SHOC2: variants seen among roughly 807,000 people sequenced by gnomAD.
The protein encoded by SHOC2 is leucine-rich repeat protein SHOC-2.
SHOC2 carries 4 observed loss-of-function variants against 50.2 expected under a neutral mutation model. That is an observed-to-expected ratio of 0.08 (90% CI 0.04 to 0.18). The LOEUF is 0.18. Ranked by LOEUF, SHOC2 falls within the 10% of genes least tolerant of loss-of-function variation. The probability of loss-of-function intolerance (pLI) is 1.00; values close to 1 mark genes in which losing one functional copy is unlikely to be tolerated. For missense variants in SHOC2, 388 were observed against 669.6 expected, an observed-to-expected ratio of 0.58 and a Z score of 4.64; for synonymous variants, 218 against 244.5, an observed-to-expected ratio of 0.89 and a Z score of 1.01.
intron 1 of SHOC2, 87 bp downstream of exon 1, chr10:110,919,744 T>G: frequency 5.1e-6 from 2 of 395,724 alleles, no homozygotes; most frequent in Non-Finnish European, 4.5e-6. Context: ...GGGCTGGCTG[T>G]CGGTAGGGGG....
intron 2 of SHOC2, among the ~76,000 whole-genome samples, chr10:110,983,800 T>G (rs1258457888): frequency 1.3e-5 from 2 of 152,216 alleles, no homozygotes; most frequent in East Asian, 3.8e-4. Flanking sequence ...TTATTTCACT[T>G]GGTTTATAAT....
chr10:110,971,455 CT>C (rs1178939335), intron 2 of SHOC2, among the ~76,000 whole-genome samples: 1 of 152,064 alleles, frequency 6.6e-6, no homozygotes, highest in Non-Finnish European at 1.5e-5. Flanking sequence ...GTTACTCTAA[CT>C]TTGTGTATAC....
chr10:110,939,331 C>T (rs1847092209), intron 1 of SHOC2, among the ~76,000 whole-genome samples: 1 of 152,122 alleles, frequency 6.6e-6, no homozygotes, highest in African/African-American at 2.4e-5. Flanking sequence ...CATCCTCTCA[C>T]CTTAGCCTCC....
chr10:110,937,396 A>C (rs1356675406), intron 1 of SHOC2, among the ~76,000 whole-genome samples: 2 of 152,186 alleles, frequency 1.3e-5, no homozygotes, highest in African/African-American at 4.8e-5. Context: ...AACTGAACTA[A>C]TAGTTTTAAG....
intron 1 of SHOC2, among the ~76,000 whole-genome samples, chr10:110,940,112 G>A (rs561958591): frequency 7.4e-4 from 113 of 152,236 alleles, no homozygotes; most frequent in African/African-American, 2.7e-3. Flanking sequence ...AAAGTTATTA[G>A]TGCCATCTGT....
chr10:110,919,462 C>T (rs1846552856), upstream of SHOC2: 4 of 393,086 alleles, frequency 1.0e-5, no homozygotes, highest in Admixed American at 4.5e-5. Context: ...TTTTTCTTGC[C>T]TAGCGAGTGA....
chr10:110,982,791 G>A (rs1056442739), intron 2 of SHOC2, among the ~76,000 whole-genome samples: 4 of 152,010 alleles, frequency 2.6e-5, no homozygotes, highest in Non-Finnish European at 5.9e-5. Context: ...GAGAGACATT[G>A]ATTTATAGTT....
chr10:111,011,413 G>T (rs949168287), intron 8 of SHOC2, among the ~76,000 whole-genome samples, 197 bp from the exon 9 acceptor site: 3 of 152,072 alleles, frequency 2.0e-5, no homozygotes, highest in Admixed American at 1.3e-4. Flanking sequence ...ACATATAGGA[G>T]TTTAAAAAGT....
At position 110,945,913 on chromosome 10, in the gene SHOC2, T is replaced by TG. The variant is rs559087535; in HGVS notation, c.-234-18211dup. 1.5e-4 allele frequency among the ~76,000 whole-genome samples: 23 copies of TG among 152,310 alleles called. No individual in the cohort carries two copies. In the East Asian group the frequency reaches 4.4e-3, roughly 29 times the overall value. On this transcript the variant is annotated intron_variant, in intron 1 of 8. Transcript: ENST00000369452. ...CCAATCAGGTTCTGATTCTCTGTGT[T>TG]GAGCTATCTTCCTATGAGCATACCC...
chr10:110,946,608 G>T (rs1228379466), intron 1 of SHOC2, among the ~76,000 whole-genome samples: 1 of 152,076 alleles, frequency 6.6e-6, no homozygotes, highest in Non-Finnish European at 1.5e-5. Context: ...AAACAATGTG[G>T]ATATTTGAGA....
At position 110,934,367 on chromosome 10, in the gene SHOC2, A is replaced by G. The variant is rs183708259; in HGVS notation, c.-235+14710A>G. Among the ~76,000 whole-genome samples, 30 of 152,330 alleles carry G rather than the reference A, an allele frequency of 2.0e-4. No homozygotes were observed. In the East Asian group the frequency reaches 5.4e-3, roughly 27 times the overall value. Reference sequence around the variant, plus strand: ...GGAATGATTAAATTATGATATAGCCATATCACAAATCATAGGCAATGAAAA... The same window carrying G: ...GGAATGATTAAATTATGATATAGCCGTATCACAAATCATAGGCAATGAAAA... On this transcript the variant is annotated intron_variant, in intron 1 of 8. Transcript: ENST00000369452.
chr10:110,987,913 A>C (rs761370567), intron 3 of SHOC2, among the ~76,000 whole-genome samples: 11 of 152,152 alleles, frequency 7.2e-5, no homozygotes, highest in Middle Eastern at 3.2e-3. Flanking sequence ...GGATAAATTA[A>C]AAGTCCCCTA....
At chr10:110,932,929 C>T (rs952510715) in intron 1 of SHOC2, among the ~76,000 whole-genome samples, 6 of 152,124 alleles carry the variant, frequency 3.9e-5, no homozygotes, top group Non-Finnish European at 8.8e-5. Flanking sequence ...AATTGGTTTT[C>T]TGAACTGCTA....
At chr10:111,010,450 G>A (rs771203125) in intron 8 of SHOC2, among the ~76,000 whole-genome samples, 12 of 152,144 alleles carry the variant, frequency 7.9e-5, no homozygotes, top group East Asian at 3.9e-4. Flanking sequence ...AGTAAACACC[G>A]CATGTTCTCC....
chr10:110,948,379 A>G (rs1359934753), intron 1 of SHOC2, among the ~76,000 whole-genome samples: 3 of 152,218 alleles, frequency 2.0e-5, no homozygotes, highest in African/African-American at 7.2e-5. Flanking sequence ...ACAACATTTT[A>G]GGCCAAATGG....
intron 3 of SHOC2, among the ~76,000 whole-genome samples, chr10:110,998,720 C>T (rs1395328840): frequency 6.6e-6 from 1 of 152,156 alleles, no homozygotes; most frequent in Non-Finnish European, 1.5e-5. Flanking sequence ...TAGTTGACAA[C>T]TTATGGCATA....
intron 1 of SHOC2, among the ~76,000 whole-genome samples, chr10:110,923,672 G>A (rs368973269): frequency 9.1e-6 from 1 of 109,546 alleles, no homozygotes; most frequent in East Asian, 2.1e-4. Context: ...AAAATGTAAG[G>A]ATTCATTTAT....
chr10:110,928,409 C>G (rs1190511981), intron 1 of SHOC2, among the ~76,000 whole-genome samples: 1 of 151,932 alleles, frequency 6.6e-6, no homozygotes, highest in South Asian at 2.1e-4. Flanking sequence ...AAAAAAAGTT[C>G]ACTATTTACT....
At chr10:110,943,299 G>T (rs561665474) in intron 1 of SHOC2, among the ~76,000 whole-genome samples, 20 of 137,450 alleles carry the variant, frequency 1.5e-4, no homozygotes, top group Non-Finnish European at 2.3e-4. Context: ...AATATAAATT[G>T]ACCTATCTTC....
Sources: allele counts gnomAD v4.1 joint callset (sites outside exome capture counted in the v4.1 genomes callset), GRCh38; gene constraint gnomAD v4.1.1; transcripts MANE v1.5; gene names NCBI Gene and HGNC (gene_info 2026-07-23, HGNC 2026-07-21).